The following SMAD3 variants were observed in gnomAD, a reference collection of about 807,000 sequenced individuals.
SMAD3 encodes MAD homolog 3.
SMAD3 carries 12 observed loss-of-function variants against 51.8 expected under a neutral mutation model. The ratio of observed to expected loss-of-function variants is 0.23; its 90% CI spans 0.15 to 0.38. SMAD3 has a LOEUF of 0.38. Among genes scored for constraint, SMAD3 ranks in the 10% least tolerant of loss-of-function variants. The pLI, the probability that SMAD3 is intolerant of heterozygous loss-of-function variation, is 1.00. For synonymous variants in SMAD3, 238 were observed against 227.7 expected, an observed-to-expected ratio of 1.05 and a Z score of -0.41; for missense variants, 294 against 565.6, an observed-to-expected ratio of 0.52 and a Z score of 4.87.
Position 67,065,824 on chromosome 15 carries a change from GA to G in SMAD3, c.-328del, listed in dbSNP as rs1203460193. ...GGCACCCAAACAGCTACCCCGTGCGGAAACCCAAACTTCTGCTGCCACTTGG... is the reference window on the plus strand; with the variant it reads ...GGCACCCAAACAGCTACCCCGTGCGGAACCCAAACTTCTGCTGCCACTTGG... On this transcript the variant is annotated 5_prime_UTR_variant, in exon 1 of 9. Transcript: ENST00000327367. The G allele has an allele frequency of 9.4e-6, 2 of 212,160 alleles. No individual in the cohort carries two copies. The highest frequency in any genetic ancestry group is 1.9e-5 in the Non-Finnish European group (2 of 104,698). 13.1% of individuals were successfully genotyped at this position (212,160 alleles called of 1,614,324 possible).
At chr15:67,117,467 C>T (rs1269039332) in intron 1 of SMAD3, among the ~76,000 whole-genome samples, 1 of 152,156 alleles carries the variant, frequency 6.6e-6, no homozygotes, top group Non-Finnish European at 1.5e-5. Flanking sequence ...CAGGTCCCCC[C>T]AAGTTCCAGC....
intron 1 of SMAD3, among the ~76,000 whole-genome samples, chr15:67,073,896 C>T (rs1960110255): frequency 1.3e-5 from 2 of 152,216 alleles, no homozygotes; most frequent in African/African-American, 2.4e-5. Flanking sequence ...TGGTCTCCAA[C>T]TCCTGGCCTC....
chr15:67,187,112 C>T (rs1200861175), intron 7 of SMAD3: 1 of 652,858 alleles, frequency 1.5e-6, no homozygotes, highest in African/African-American at 1.8e-5. Flanking sequence ...GTGGGCCAGC[C>T]TTCCATCTCC....
intron 1 of SMAD3, among the ~76,000 whole-genome samples, chr15:67,095,941 A>G (rs184142871): frequency 1.3e-5 from 2 of 152,348 alleles, no homozygotes; most frequent in East Asian, 1.9e-4. Flanking sequence ...CCCCATTCAC[A>G]TGTAGCATTT....
At position 67,191,792 on chromosome 15, in the gene SMAD3, A is replaced by G. The variant is rs1432668529; in HGVS notation, c.*1256A>G. The G allele has an allele frequency of 4.3e-6, 1 of 230,554 alleles. No individual in the cohort carries two copies. Among genetic ancestry groups the G allele is most frequent in the Non-Finnish European group, 8.6e-6 (1 of 116,328 alleles). 14.3% of individuals were successfully genotyped at this position (230,554 alleles called of 1,614,324 possible). A position where few individuals can be genotyped will look rare whatever the true frequency, so the allele number is the denominator to read the frequency against. On this transcript the variant is annotated 3_prime_UTR_variant, in exon 9 of 9. Transcript: ENST00000327367. ...TTTGAAAATTGCAGGCTTGGTACAA[A>G]GAGGTCTGTCATCTTCCCCCTGGGA... is the stretch of plus-strand genomic sequence containing the variant.
At chr15:67,186,187 AGGGCT>A (rs1394776321) in intron 7 of SMAD3, among the ~76,000 whole-genome samples, 2 of 152,246 alleles carry the variant, frequency 1.3e-5, no homozygotes, top group African/African-American at 4.8e-5. Flanking sequence ...GATGGGGCCT[AGGGCT>A]GATGGACTCT....
rs1399125426 is a variant in SMAD3 at position 67,138,812 on chromosome 15, G to A, written c.207-26083G>A. ...TCACCTCCTCCCCTCCCTGGAAGAT[G>A]TGAAAACACCATCCCATTAACCCTC... is the stretch of plus-strand genomic sequence containing the variant. On this transcript the variant is annotated intron_variant, in intron 1 of 8. Transcript: ENST00000327367. Among the ~76,000 whole-genome samples, 6 of 152,200 alleles carry A rather than the reference G, an allele frequency of 3.9e-5. No homozygotes were observed. The East Asian group carries it at 1.2e-3, about 29-fold the overall frequency.
At chr15:67,076,776 G>C (rs1160241535) in intron 1 of SMAD3, among the ~76,000 whole-genome samples, 1 of 152,236 alleles carries the variant, frequency 6.6e-6, no homozygotes, top group Non-Finnish European at 1.5e-5. Flanking sequence ...CCCTGCATCA[G>C]TGTCTTGAGC....
chr15:67,136,769 C>A (rs941815856), intron 1 of SMAD3, among the ~76,000 whole-genome samples: 2 of 152,212 alleles, frequency 1.3e-5, no homozygotes, highest in African/African-American at 4.8e-5. Context: ...TTGCTGACTG[C>A]CCTATTACCC....
chr15:67,090,284 A>G (rs1960483156), intron 1 of SMAD3, among the ~76,000 whole-genome samples: 1 of 152,176 alleles, frequency 6.6e-6, no homozygotes, highest in African/African-American at 2.4e-5. Context: ...GATTTTGCCA[A>G]AAATCCCAAC....
intron 1 of SMAD3, among the ~76,000 whole-genome samples, chr15:67,146,477 T>C (rs1961976534): frequency 6.6e-6 from 1 of 152,022 alleles, no homozygotes; most frequent in African/African-American, 2.4e-5. Context: ...GAGCGGGTAG[T>C]GTGGAGGCTG....
chr15:67,147,880 T>C (rs2140273356), intron 1 of SMAD3, among the ~76,000 whole-genome samples: 1 of 152,328 alleles, frequency 6.6e-6, no homozygotes, highest in South Asian at 2.1e-4. Context: ...TTAGTTGATG[T>C]TGGCGTCGGG....
intron 1 of SMAD3, among the ~76,000 whole-genome samples, chr15:67,080,722 T>C (rs1960262919): frequency 6.6e-6 from 1 of 152,236 alleles, no homozygotes; most frequent in South Asian, 2.1e-4. Flanking sequence ...TTCTTTCTCT[T>C]TGATTGTGGT....
intron 5 of SMAD3, 63 bp from the exon 6 acceptor site, chr15:67,181,178 C>A: frequency 8.0e-7 from 1 of 1,242,396 alleles, no homozygotes; most frequent in Non-Finnish European, 1.2e-6. Flanking sequence ...TCCATGGGAC[C>A]CCATCGAGGG....
chr15:67,155,190 C>T (rs984322729), intron 1 of SMAD3, among the ~76,000 whole-genome samples: 1 of 152,154 alleles, frequency 6.6e-6, no homozygotes, highest in African/African-American at 2.4e-5. Context: ...TAGCCAGTGT[C>T]GCCTCACCAG....
At chr15:67,167,235 G>T (rs1032522137) in intron 4 of SMAD3, among the ~76,000 whole-genome samples, 2 of 152,184 alleles carry the variant, frequency 1.3e-5, no homozygotes, top group Non-Finnish European at 2.9e-5. Context: ...GTGGGCAAGG[G>T]GTGTGCCAGG....
intron 4 of SMAD3, among the ~76,000 whole-genome samples, chr15:67,168,455 A>G (rs954635637): frequency 6.6e-6 from 1 of 152,222 alleles, no homozygotes; most frequent in African/African-American, 2.4e-5. Context: ...GCAGCTATTC[A>G]GTGCAGGCGT....
At chr15:67,158,015 G>A (rs1021290661) in intron 1 of SMAD3, among the ~76,000 whole-genome samples, 1 of 152,140 alleles carries the variant, frequency 6.6e-6, no homozygotes, top group African/African-American at 2.4e-5. Flanking sequence ...AAATGGGGAG[G>A]AGGCCCAACG....
intron 6 of SMAD3, among the ~76,000 whole-genome samples, chr15:67,181,832 C>T (rs574927094): frequency 6.7e-6 from 1 of 149,088 alleles, no homozygotes; most frequent in African/African-American, 2.5e-5. Context: ...TTTATCCAGG[C>T]TGGAGTGCAA....
Sources: gnomAD v4.1 joint callset for allele counts (sites outside exome capture counted in the v4.1 genomes callset) on GRCh38, gnomAD v4.1.1 for gene constraint, MANE v1.5 for transcripts, NCBI Gene and HGNC (gene_info 2026-07-23, HGNC 2026-07-21) for gene names.